Variants in BYSL observed in about 807,000 individuals in gnomAD.
BYSL encodes bystin.
A neutral mutation model predicts 45.4 loss-of-function variants in BYSL; 21 were observed. The ratio of observed to expected loss-of-function variants is 0.46; its 90% CI spans 0.33 to 0.67. BYSL has a LOEUF of 0.67. Among genes scored for constraint, BYSL ranks in the 30% least tolerant of loss-of-function variants. The probability of loss-of-function intolerance (pLI) is 0.02; values close to 1 mark genes in which losing one functional copy is unlikely to be tolerated. For missense variants in BYSL, 522 were observed against 578.5 expected, an observed-to-expected ratio of 0.90 and a Z score of 1.00; for synonymous variants, 215 against 231.3, an observed-to-expected ratio of 0.93 and a Z score of 0.64.
chr6:41,916,629 G>C (rs1341218905), upstream of BYSL, among the ~76,000 whole-genome samples: 2 of 152,140 alleles, frequency 1.3e-5, no homozygotes, highest in Non-Finnish European at 2.9e-5. Context: ...CCTATTCTAA[G>C]AGATAAAGAA....
Position 41,932,737 on chromosome 6 carries a change from G to A in BYSL, c.*31G>A, listed in dbSNP as rs762130732. The A allele has an allele frequency of 5.7e-6, 9 of 1,572,448 alleles. No homozygotes were observed. Among genetic ancestry groups the A allele is most frequent in the Non-Finnish European group, 7.8e-6 (9 of 1,156,258 alleles). On this transcript the variant is annotated 3_prime_UTR_variant, in exon 7 of 7. Coordinates refer to ENST00000230340, the MANE Select transcript of BYSL (RefSeq NM_004053.4). This position sits in a 1 kb window ranked among gnomAD's most constrained non-coding sequence, Gnocchi z 4.7. ...ACAGTCAGCTGTCCTGGCCAAAGGG[G>A]TTTGGAAGGACACCAAGACCCCCGT...
intron 1 of BYSL, among the ~76,000 whole-genome samples, chr6:41,926,089 T>C (rs1375651229): frequency 5.3e-5 from 8 of 152,244 alleles, no homozygotes; most frequent in Non-Finnish European, 1.0e-4. Flanking sequence ...CTAGCATTAT[T>C]TCTTGCTATT....
At position 41,932,416 on chromosome 6, in the gene BYSL, C is replaced by T; in HGVS notation, c.1024C>T (p.Leu342=). The change falls in exon 7 of 7, where the codon CTG becomes TTG. Residue 342 remains leucine, a synonymous_variant. Transcript: ENST00000230340. The surrounding 1 kb of genome is among the most constrained non-coding windows in gnomAD (Gnocchi z 4.7). The part of the protein sequence containing the change: ...MEYSGANSIF[L]RLLLDKKYAL... ...ATACAGCGGTGCCAACAGCATCTTC[C>T]TGCGACTGCTGCTGGATAAGAAGTA... The T allele has an allele frequency of 6.2e-7, 1 of 1,614,012 alleles. No individual in the cohort carries two copies. Among genetic ancestry groups the T allele is most frequent in the South Asian group, 1.1e-5 (1 of 91,082 alleles).
chr6:41,931,973 A>G, intron 6 of BYSL, 143 bp downstream of exon 6: 1 of 778,664 alleles, frequency 1.3e-6, no homozygotes, highest in Non-Finnish European at 2.2e-6. Context: ...TAGGTGTATC[A>G]TTATCCCCCT....
chr6:41,920,529 A>G (rs1775434237), upstream of BYSL, among the ~76,000 whole-genome samples: 1 of 152,200 alleles, frequency 6.6e-6, no homozygotes, highest in South Asian at 2.1e-4. Context: ...AGAATGAGGT[A>G]TACAACCATT....
chr6:41,923,143 CT>C (rs57800734), intron 1 of BYSL, among the ~76,000 whole-genome samples: 115,537 of 148,764 alleles, frequency 0.78, 45,468 homozygotes, highest in African/African-American at 0.93. Context: ...TTCTTTTTTT[CT>C]TTTTTTTTTG....
In BYSL at chr6:41,932,637, C is replaced by G. The variant is rs149587548; in HGVS notation, c.1245C>G (p.Pro415=). Residue 415 remains proline (P), a synonymous_variant, in exon 7 of 7, where the codon CCC becomes CCG. Transcript: ENST00000230340. The surrounding 1 kb of genome is among the most constrained non-coding windows in gnomAD (Gnocchi z 4.7). ...TGCAGCCCCATCCACAGCTATCGCC[C>G]GAAATCAGGCGTGAGCTTCAGAGTG... ...LRLQPHPQLS[P]EIRRELQSAV... The G allele has an allele frequency of 2.7e-3, 4,430 of 1,614,166 alleles. 7 individuals are homozygous for G. The highest frequency in any genetic ancestry group is 3.3e-3 in the Non-Finnish European group (3,886 of 1,180,034).
chr6:41,913,706 T>C, the BYSL span, among the ~76,000 whole-genome samples: 1 of 152,182 alleles, frequency 6.6e-6, no homozygotes, highest in East Asian at 1.9e-4. Context: ...AAGACCAGCC[T>C]GGCCAACATG....
chr6:41,924,379 T>C lies in BYSL; in HGVS notation c.268+2549T>C, dbSNP rs1775535402. ...AGCCACTGCACCCAGCCCATAGTAC[T>C]TATCTTTTAACCCAATATATTTATA... On this transcript the variant is annotated intron_variant, in intron 1 of 6. Transcript: ENST00000230340. Among the ~76,000 whole-genome samples, 5 of 152,194 alleles carry C rather than the reference T, an allele frequency of 3.3e-5. No individual in the cohort carries two copies. In the South Asian group the frequency reaches 1.0e-3, roughly 31 times the overall value.
upstream of BYSL, among the ~76,000 whole-genome samples, chr6:41,916,499 G>C (rs1023705612): frequency 2.6e-5 from 4 of 151,882 alleles, no homozygotes; most frequent in Non-Finnish European, 5.9e-5. Flanking sequence ...AGAATCACTT[G>C]AACCTGGGAG....
At chr6:41,921,417 G>A (rs951412118), upstream of BYSL, 10 of 1,176,600 alleles carry the variant, frequency 8.5e-6, no homozygotes, top group African/African-American at 1.1e-4. Flanking sequence ...GAGGGGCGGC[G>A]CTGATGGCGC....
At position 41,932,521 on chromosome 6, in the gene BYSL, C is replaced by G; in HGVS notation, c.1129C>G (p.Leu377Val). ...GACAGAGAAGCGTGAACTGCCTGTG[C>G]TGTGGCACCAGTGCCTCCTGACTTT... ...FRTEKRELPVLWHQCLLTLVQ... is the reference protein window; with the variant it reads ...FRTEKRELPVVWHQCLLTLVQ... Residue 377 changes from leucine (L) to valine (V), a missense_variant, in exon 7 of 7, where the codon CTG becomes GTG. Coordinates refer to ENST00000230340, the MANE Select transcript of BYSL (RefSeq NM_004053.4). The surrounding 1 kb of genome is among the most constrained non-coding windows in gnomAD (Gnocchi z 4.7). The G allele has an allele frequency of 1.2e-6, 2 of 1,614,212 alleles. No individual in the cohort carries two copies. Among genetic ancestry groups the G allele is most frequent in the Non-Finnish European group, 1.7e-6 (2 of 1,180,044 alleles).
upstream of BYSL, chr6:41,917,077 C>G: frequency 1.2e-6 from 1 of 862,062 alleles, no homozygotes; most frequent in Non-Finnish European, 1.7e-6. Context: ...GTCTCCCAAT[C>G]CCTGCAACTT....
chr6:41,920,908 C>G (rs1445353807), upstream of BYSL: 2 of 1,491,810 alleles, frequency 1.3e-6, no homozygotes, highest in African/African-American at 1.4e-5. Flanking sequence ...GAGGACATCT[C>G]CCTCAGCTCC....
At chr6:41,918,068 T>C (rs144271728), upstream of BYSL, among the ~76,000 whole-genome samples, 5 of 152,288 alleles carry the variant, frequency 3.3e-5, no homozygotes, top group East Asian at 3.9e-4. Flanking sequence ...GAACCTCTTA[T>C]GGTGGCTTCC....
chr6:41,912,765 C>G, the BYSL span, among the ~76,000 whole-genome samples: 1 of 152,036 alleles, frequency 6.6e-6, no homozygotes, highest in Non-Finnish European at 1.5e-5. Context: ...AAAATGAAGC[C>G]AATTGGATCC....
At chr6:41,920,957 C>A, upstream of BYSL, 1 of 1,595,374 alleles carries the variant, frequency 6.3e-7, no homozygotes, top group Non-Finnish European at 8.5e-7. Flanking sequence ...CTCTTTCCGG[C>A]CTTTCACAAC....
the BYSL span, among the ~76,000 whole-genome samples, chr6:41,915,743 C>T: frequency 3.4e-5 from 5 of 145,892 alleles, no homozygotes; most frequent in African/African-American, 7.8e-5. Flanking sequence ...GCCGAGATTG[C>T]GCCACTGCAC....
At chr6:41,915,042 G>T in the BYSL span, among the ~76,000 whole-genome samples, 1 of 152,308 alleles carries the variant, frequency 6.6e-6, no homozygotes, top group Admixed American at 6.5e-5. Context: ...AGGAAATCTG[G>T]AACTCTAACA....
Sources: gnomAD v4.1 joint callset for allele counts (sites outside exome capture counted in the v4.1 genomes callset) on GRCh38, gnomAD v4.1.1 for gene constraint, Gnocchi (gnomAD v3.1) non-coding constraint, MANE v1.5 for transcripts, NCBI Gene and HGNC (gene_info 2026-07-23, HGNC 2026-07-21) for gene names.